COG5: variants seen among roughly 807,000 people sequenced by gnomAD.
COG5 encodes component of oligomeric golgi complex 5.
A neutral mutation model predicts 110.4 loss-of-function variants in COG5; 86 were observed. That is an observed-to-expected ratio of 0.78 (90% CI 0.65 to 0.93). COG5 has a LOEUF of 0.93. Among genes scored for constraint, COG5 ranks in the 40% least tolerant of loss-of-function variants. The pLI is 0.00. For missense variants in COG5, 1,077 were observed against 987.0 expected, an observed-to-expected ratio of 1.09 and a Z score of -1.22; for synonymous variants, 360 against 334.6, an observed-to-expected ratio of 1.08 and a Z score of -0.83.
At chr7:107,208,575 A>C in intron 21 of COG5, 1 of 985,388 alleles carries the variant, frequency 1.0e-6, no homozygotes, top group Non-Finnish European at 1.2e-6. Context: ...CAGACATTGC[A>C]AATCCCTGTG....
intron 14 of COG5, among the ~76,000 whole-genome samples, chr7:107,279,007 A>G (rs1392589795): frequency 6.6e-6 from 1 of 152,210 alleles, no homozygotes; most frequent in African/African-American, 2.4e-5. Flanking sequence ...GGCAACCTAC[A>G]GAATGGGAGA....
intron 10 of COG5, among the ~76,000 whole-genome samples, chr7:107,343,100 A>C (rs964281511): frequency 2.6e-5 from 4 of 152,212 alleles, no homozygotes; most frequent in African/African-American, 4.8e-5. Context: ...CATTATCCTA[A>C]GCAAATTAAT....
chr7:107,288,956 ATATATATT>A (rs1805923273), intron 12 of COG5, among the ~76,000 whole-genome samples: 3 of 102,276 alleles, frequency 2.9e-5, no homozygotes, highest in African/African-American at 1.3e-4. Context: ...ATATATATAT[ATATATATT>A]TAAAAATTTA....
At chr7:107,543,431 C>T (rs1263784275) in intron 5 of COG5, among the ~76,000 whole-genome samples, 3 of 152,126 alleles carry the variant, frequency 2.0e-5, no homozygotes, top group Non-Finnish European at 2.9e-5. Flanking sequence ...TGCCCCCGCC[C>T]GACTCCAGGC....
chr7:107,332,775 T>C (rs1370207534), intron 10 of COG5, among the ~76,000 whole-genome samples: 1 of 151,920 alleles, frequency 6.6e-6, no homozygotes, highest in African/African-American at 2.4e-5. Flanking sequence ...AGGAAAAAAG[T>C]GTTTAGAAGA....
intron 6 of COG5, among the ~76,000 whole-genome samples, chr7:107,461,456 T>C (rs544780231): frequency 6.6e-6 from 1 of 152,244 alleles, no homozygotes; most frequent in Admixed American, 6.5e-5. Context: ...AAAAACCGTA[T>C]ACCTAGCATC....
intron 12 of COG5, among the ~76,000 whole-genome samples, chr7:107,297,083 T>C (rs1412399802): frequency 6.6e-6 from 1 of 152,204 alleles, no homozygotes; most frequent in African/African-American, 2.4e-5. Context: ...TATACTACTA[T>C]ACTTCATGGG....
At position 107,258,300 on chromosome 7, in the gene COG5, C is replaced by A. The variant is rs1006612410; in HGVS notation, c.1659G>T (p.Leu553Phe). Reference protein sequence around the residue: ...QRRNVAVVNSLYKLHQSVTKV... With the variant: ...QRRNVAVVNSFYKLHQSVTKV... ...TTGTTACTGATTGGTGCAACTTATA[C>A]AATGAATTCACTACTGCCACATTTC... The change falls in exon 15 of 22, where the codon TTG becomes TTT. Residue 553 changes from leucine to phenylalanine, a missense_variant. Coordinates refer to ENST00000297135, the MANE Select transcript of COG5 (RefSeq NM_006348.5). 3 of 1,610,576 alleles carry A rather than the reference C, an allele frequency of 1.9e-6. No individual in the cohort carries two copies. The highest frequency in any genetic ancestry group is 2.5e-6 in the Non-Finnish European group (3 of 1,177,044).
intron 6 of COG5, among the ~76,000 whole-genome samples, chr7:107,491,705 T>A (rs1797982304): frequency 1.3e-5 from 2 of 152,166 alleles, no homozygotes; most frequent in African/African-American, 2.4e-5. Flanking sequence ...ATTCCTTTCA[T>A]CCAAATCACA....
Position 107,203,312 on chromosome 7 carries a change from C to A in COG5, c.*204G>T, listed in dbSNP as rs1584515698. 1.5e-5 allele frequency: 9 copies of A among 584,750 alleles called. No homozygotes were observed. The highest frequency in any genetic ancestry group is 2.9e-5 in the Admixed American group (1 of 33,998). The allele number at this position is 584,750 out of a possible 1,614,324, so 36.2% of individuals were successfully genotyped here. ...AACATCTTTCTGGAAAAATCAGGTC[C>A]ATGGAATTGAAAGGTGGTGATAACT... On this transcript the variant is annotated 3_prime_UTR_variant, in exon 22 of 22. Transcript: ENST00000297135.
chr7:107,208,309 G>C lies in COG5; in HGVS notation c.2375+2217C>G, dbSNP rs890822231. Reference sequence around the variant, plus strand: ...GCATGATTTTCAGTTGCTAAATATAGGCTTAGCAACAGCACTGCTGATGAA... The same window carrying C: ...GCATGATTTTCAGTTGCTAAATATACGCTTAGCAACAGCACTGCTGATGAA... On this transcript the variant is annotated intron_variant, in intron 21 of 21. Transcript: ENST00000297135. The C allele has an allele frequency of 5.1e-6, 5 of 985,162 alleles. No homozygotes were observed. The African/African-American group carries it at 7.0e-5, about 14-fold the overall frequency. The allele number at this position is 985,162 out of a possible 1,614,324, so 61.0% of individuals were successfully genotyped here. A position where few individuals can be genotyped will look rare whatever the true frequency, so the allele number is the denominator to read the frequency against.
chr7:107,287,780 TTAGTA>T (rs1805767952), intron 12 of COG5, among the ~76,000 whole-genome samples: 2 of 152,216 alleles, frequency 1.3e-5, no homozygotes, highest in Non-Finnish European at 2.9e-5. Context: ...CTTCTTTCAC[TTAGTA>T]TAATGTTTTC....
intron 19 of COG5, among the ~76,000 whole-genome samples, chr7:107,225,657 T>C (rs2116350255): frequency 6.6e-6 from 1 of 152,282 alleles, no homozygotes; most frequent in South Asian, 2.1e-4. Context: ...GGACCACAGA[T>C]GTGCACCACC....
chr7:107,398,983 C>G (rs201730424), intron 7 of COG5, among the ~76,000 whole-genome samples: 38 of 152,086 alleles, frequency 2.5e-4, no homozygotes, highest in Non-Finnish European at 2.9e-5. Context: ...AGGGAGATCA[C>G]CTGAGGTCAG....
chr7:107,293,800 C>T (rs982320986), intron 12 of COG5, among the ~76,000 whole-genome samples: 2 of 152,032 alleles, frequency 1.3e-5, no homozygotes, highest in Non-Finnish European at 2.9e-5. Flanking sequence ...TGGCAGGGTG[C>T]GGTGACTCAG....
chr7:107,330,823 CTTTTT>C (rs376987809), intron 10 of COG5, among the ~76,000 whole-genome samples: 224 of 135,620 alleles, frequency 1.7e-3, no homozygotes, highest in African/African-American at 5.8e-3. Flanking sequence ...AGCTAGATCC[CTTTTT>C]TTTTTTTTTT....
intron 6 of COG5, among the ~76,000 whole-genome samples, chr7:107,520,112 C>T (rs1378032629): frequency 2.6e-5 from 4 of 152,146 alleles, no homozygotes; most frequent in Non-Finnish European, 5.9e-5. Context: ...ATGTTAAAAA[C>T]TCTCAATAAA....
intron 6 of COG5, among the ~76,000 whole-genome samples, chr7:107,445,228 A>G (rs1482238332): frequency 6.6e-6 from 1 of 152,132 alleles, no homozygotes; most frequent in Non-Finnish European, 1.5e-5. Flanking sequence ...AAATGTAGCT[A>G]ATAAATATTA....
At chr7:107,421,729 GCACTCCAGC>G (rs1483274037) in intron 6 of COG5, among the ~76,000 whole-genome samples, 5 of 150,586 alleles carry the variant, frequency 3.3e-5, no homozygotes, top group African/African-American at 4.9e-5. Flanking sequence ...TTGCGCCACT[GCACTCCAGC>G]CTGGGAGACA....
Sources: gnomAD v4.1 joint callset for allele counts (sites outside exome capture counted in the v4.1 genomes callset) on GRCh38, gnomAD v4.1.1 for gene constraint, MANE v1.5 for transcripts, NCBI Gene and HGNC (gene_info 2026-07-23, HGNC 2026-07-21) for gene names.